The following ARPP19 variants were observed in gnomAD, a reference collection of about 807,000 sequenced individuals.
ARPP19 encodes cAMP regulated phosphoprotein 19, also known as cAMP-regulated phosphoprotein 19.
In ARPP19, 8 loss-of-function variants were observed where a neutral mutation model predicts 12.0. The ratio of observed to expected loss-of-function variants is 0.67; its 90% confidence interval spans 0.39 to 1.21. The LOEUF is 1.21. Ranked by LOEUF, ARPP19 falls within the 50% of genes most tolerant of loss-of-function variation. The pLI, the probability that ARPP19 is intolerant of heterozygous loss-of-function variation, is 0.01. For missense variants in ARPP19, 102 were observed against 136.3 expected (o/e 0.75, Z 1.25); for synonymous variants, 47 against 50.4 (o/e 0.93, Z 0.29).
At chr15:52,552,916 A>C (rs1362544510) in intron 2 of ARPP19, among the ~76,000 whole-genome samples, 1 of 152,160 alleles carries the variant, frequency 6.6e-6, no homozygotes, top group Non-Finnish European at 1.5e-5. Context: ...GTCTCTACTA[A>C]AAATACAAAA....
At chr15:52,562,433 A>G (rs1156941084) in intron 1 of ARPP19, among the ~76,000 whole-genome samples, 2 of 152,186 alleles carry the variant, frequency 1.3e-5, no homozygotes, top group Non-Finnish European at 2.9e-5. Flanking sequence ...TAAAAAAGAA[A>G]GCACGAGTAT....
chr15:52,552,721 C>T (rs1474040994), intron 2 of ARPP19, among the ~76,000 whole-genome samples: 1 of 151,376 alleles, frequency 6.6e-6, no homozygotes. Context: ...TAAAATCTTT[C>T]ATTTACTAAT....
chr15:52,547,835 A>G lies in ARPP19; in HGVS notation c.*4099T>C, dbSNP rs973132979. 3.3e-5 allele frequency: 5 copies of G among 152,248 alleles called. No individual in the cohort carries two copies. The highest frequency in any genetic ancestry group is 3.8e-4 in the East Asian group (2 of 5,204). The allele number at this position is 152,248 out of a possible 1,614,324, so 9.4% of individuals were successfully genotyped here. On this transcript the variant is annotated 3_prime_UTR_variant, in exon 3 of 3. Transcript: ENST00000249822. ...CCTAAATTGTGGCATATTGAAAACG[A>G]TATTAAGGAACAATGACTCATTAGC...
chr15:52,565,187 C>A (rs543435929), intron 1 of ARPP19, among the ~76,000 whole-genome samples: 1 of 151,902 alleles, frequency 6.6e-6, no homozygotes, highest in Non-Finnish European at 1.5e-5. Context: ...GGTGGGACTA[C>A]AGGTGTAGAT....
Position 52,568,885 on chromosome 15 carries a change from G to T in ARPP19, c.8C>A (p.Ala3Glu), listed in dbSNP as rs764754663. The change falls in exon 1 of 3, where the codon GCG becomes GAG. Residue 3 changes from alanine to glutamate, a missense_variant. Physicochemically the swap from Ala to Glu is moderately radical, Grantham distance 107. Transcript: ENST00000249822. Reference sequence around the variant, plus strand: ...CGCGGAGGCTGCCTCGGGGACTTCCGCAGACATAGTGCTCCCTCTGCAGAC... The same window carrying T: ...CGCGGAGGCTGCCTCGGGGACTTCCTCAGACATAGTGCTCCCTCTGCAGAC... MS[A>E]EVPEAASAEE... 2 of 1,565,620 alleles carry T rather than the reference G, an allele frequency of 1.3e-6. No individual in the cohort carries two copies. The highest frequency in any genetic ancestry group is 1.7e-6 in the Non-Finnish European group (2 of 1,159,308).
chr15:52,567,504 G>A (rs1035397514), intron 1 of ARPP19, among the ~76,000 whole-genome samples: 16 of 152,194 alleles, frequency 1.1e-4, no homozygotes, highest in African/African-American at 3.6e-4. Flanking sequence ...ATTTTTGGGG[G>A]CTCCTAAATT....
intron 1 of ARPP19, among the ~76,000 whole-genome samples, chr15:52,563,428 G>T (rs944394790): frequency 2.0e-5 from 3 of 152,118 alleles, no homozygotes; most frequent in Non-Finnish European, 4.4e-5. Context: ...TGTATACGAT[G>T]TATGTATCCA....
chr15:52,558,618 G>C (rs557198924), intron 1 of ARPP19, among the ~76,000 whole-genome samples: 119 of 152,036 alleles, frequency 7.8e-4, no homozygotes, highest in African/African-American at 2.8e-3. Context: ...CCTATCTTGA[G>C]CCTTCCAGGT....
In ARPP19 at chr15:52,551,790, T is replaced by A. The variant is rs2077933845; in HGVS notation, c.*144A>T. On this transcript the variant is annotated 3_prime_UTR_variant, in exon 3 of 3. Transcript: ENST00000249822. Reference sequence around the variant, plus strand: ...AATCAAAAACTCTACACACGTATATTCCACAATAGCAGCACACACTACTGC... The same window carrying A: ...AATCAAAAACTCTACACACGTATATACCACAATAGCAGCACACACTACTGC... 1.8e-5 allele frequency: 12 copies of A among 661,234 alleles called. No homozygotes were observed. The highest frequency in any genetic ancestry group is 2.9e-5 in the Non-Finnish European group (11 of 376,192). 41.0% of individuals were successfully genotyped at this position (661,234 alleles called of 1,614,324 possible). A position where few individuals can be genotyped will look rare whatever the true frequency, so the allele number is the denominator to read the frequency against.
intron 1 of ARPP19, among the ~76,000 whole-genome samples, chr15:52,566,569 G>C (rs747572750): frequency 1.1e-4 from 16 of 151,914 alleles, no homozygotes; most frequent in Non-Finnish European, 2.4e-4. Flanking sequence ...CAGGCCTACA[G>C]ACATGCCACC....
chr15:52,551,011 A>C lies in ARPP19; in HGVS notation c.*923T>G, dbSNP rs1242460121. On this transcript the variant is annotated 3_prime_UTR_variant, in exon 3 of 3. Transcript: ENST00000249822. ...ATATTAGTAACAAATGAAAAGCTTA[A>C]GTCTATGGCAGATTGAACTAAGATT... The C allele has an allele frequency of 6.5e-6, 1 of 152,712 alleles. No homozygotes were observed. Among genetic ancestry groups the C allele is most frequent in the Non-Finnish European group, 1.5e-5 (1 of 68,046 alleles). 9.5% of individuals were successfully genotyped at this position (152,712 alleles called of 1,614,324 possible). A position where few individuals can be genotyped will look rare whatever the true frequency, so the allele number is the denominator to read the frequency against.
chr15:52,566,119 G>T (rs562141516), intron 1 of ARPP19, among the ~76,000 whole-genome samples: 1 of 152,066 alleles, frequency 6.6e-6, no homozygotes, highest in East Asian at 1.9e-4. Flanking sequence ...CTCCCAAAGC[G>T]CTGGGATTAC....
At chr15:52,559,126 T>C (rs1040477038) in intron 1 of ARPP19, among the ~76,000 whole-genome samples, 1 of 152,264 alleles carries the variant, frequency 6.6e-6, no homozygotes, top group South Asian at 2.1e-4. Context: ...AGCCTCTTTT[T>C]ATGTTGCAGA....
At chr15:52,560,041 G>A (rs1016743572) in intron 1 of ARPP19, among the ~76,000 whole-genome samples, 7 of 152,244 alleles carry the variant, frequency 4.6e-5, no homozygotes, top group East Asian at 3.9e-4. Context: ...ATAGTTCCCC[G>A]AATTCCTTAA....
intron 1 of ARPP19, chr15:52,568,563 A>C (rs1439372981): frequency 2.5e-6 from 1 of 393,926 alleles, no homozygotes; most frequent in East Asian, 4.2e-5. Flanking sequence ...CTACGCCCAA[A>C]GCCTGCGTCC....
intron 1 of ARPP19, among the ~76,000 whole-genome samples, chr15:52,560,160 G>A (rs756632461): frequency 1.2e-4 from 19 of 152,010 alleles, no homozygotes; most frequent in East Asian, 1.9e-4. Context: ...TACACAATCC[G>A]GGCATTCCCT....
intron 1 of ARPP19, chr15:52,564,384 C>A (rs1292262384): frequency 1.1e-5 from 7 of 648,970 alleles, no homozygotes; most frequent in East Asian, 5.5e-5. Flanking sequence ...TGCACCCCAG[C>A]CTGGGCGACA....
At chr15:52,556,746 A>G (rs2077985460) in intron 2 of ARPP19, among the ~76,000 whole-genome samples, 1 of 152,152 alleles carries the variant, frequency 6.6e-6, no homozygotes, top group African/African-American at 2.4e-5. Flanking sequence ...ATTTACATAT[A>G]GGGTGGGTTT....
Position 52,557,198 on chromosome 15 carries a change from G to T in ARPP19, c.70C>A (p.Pro24Thr). ...QKEMEDKVTS[P>T]EKAEEAKLKA... ...AATTTTGCTTCTTCTGCTTTCTCTG[G>T]ACTAGTCACTTTATCTTCCATTTCC... is the stretch of plus-strand genomic sequence containing the variant. The change falls in exon 2 of 3, where the codon CCA becomes ACA. Residue 24 changes from proline (P) to threonine (T), a missense_variant. Physicochemically the swap from Pro to Thr is conservative, Grantham distance 38. Coordinates refer to ENST00000249822, the MANE Select transcript of ARPP19 (RefSeq NM_006628.6). 6.2e-7 allele frequency: 1 copy of T among 1,605,294 alleles called. No homozygotes were observed. The highest frequency in any genetic ancestry group is 8.5e-7 in the Non-Finnish European group (1 of 1,173,186).
Sources: allele counts gnomAD v4.1 joint callset (sites outside exome capture counted in the v4.1 genomes callset), GRCh38; gene constraint gnomAD v4.1.1; transcripts MANE v1.5; gene names NCBI Gene and HGNC (gene_info 2026-07-23, HGNC 2026-07-21).